The following TRIP11 variants were observed in gnomAD, a reference collection of about 807,000 sequenced individuals.
The protein encoded by TRIP11 is thyroid hormone receptor interactor 11, also known as thyroid receptor-interacting protein 11.
In TRIP11, 148 loss-of-function variants were observed where a neutral mutation model predicts 223.1. That is an observed-to-expected ratio of 0.66 (90% CI 0.58 to 0.76). The LOEUF (loss-of-function observed/expected upper bound fraction) is 0.76, where lower values mean the gene tolerates loss of function less well. Ranked by LOEUF, TRIP11 falls within the 30% of genes least tolerant of loss-of-function variation. The pLI is 0.00. For missense variants in TRIP11, 2,043 were observed against 2,222.0 expected, an observed-to-expected ratio of 0.92 and a Z score of 1.62; for synonymous variants, 762 against 772.6, an observed-to-expected ratio of 0.99 and a Z score of 0.23.
chr14:92,033,118 G>C, intron 2 of TRIP11, 74 bp downstream of exon 2: 2 of 1,127,930 alleles, frequency 1.8e-6, no homozygotes, highest in Non-Finnish European at 2.7e-6. Context: ...TAAAAAGAAA[G>C]GATCAAAGTA....
At position 92,003,482 on chromosome 14, in the gene TRIP11, A is replaced by G; in HGVS notation, c.4494T>C (p.Phe1498=). The change falls in exon 11 of 21, where the codon TTT becomes TTC. Residue 1498 remains phenylalanine, a synonymous_variant. Coordinates refer to ENST00000267622, the MANE Select transcript of TRIP11 (RefSeq NM_004239.4). Reference sequence around the variant, plus strand: ...CCTTCTCCTTCATTGAGTGGCACTCAAACTCTTTTTCTCGCAGCATCATAG... The same window carrying G: ...CCTTCTCCTTCATTGAGTGGCACTCGAACTCTTTTTCTCGCAGCATCATAG... The part of the protein sequence containing the change: ...KFSMMLREKE[F]ECHSMKEKAL... 6.2e-7 allele frequency: 1 copy of G among 1,614,130 alleles called. No individual in the cohort carries two copies. The highest frequency in any genetic ancestry group is 8.5e-7 in the Non-Finnish European group (1 of 1,180,022).
intron 2 of TRIP11, among the ~76,000 whole-genome samples, chr14:92,031,182 G>A (rs1489331272): frequency 6.6e-6 from 1 of 151,926 alleles, no homozygotes; most frequent in Admixed American, 6.6e-5. Context: ...GCAATGGTAC[G>A]ATCTTGGCTC....
chr14:92,025,336 A>T lies in TRIP11; in HGVS notation c.286T>A (p.Tyr96Asn). 6.2e-7 allele frequency: 1 copy of T among 1,613,664 alleles called. No homozygotes were observed. The highest frequency in any genetic ancestry group is 1.7e-5 in the Admixed American group (1 of 60,028). The change falls in exon 3 of 21, where the codon TAC (tyrosine) becomes AAC (asparagine). Residue 96 changes from tyrosine to asparagine, a missense_variant. Transcript: ENST00000267622. Reference sequence around the variant, plus strand: ...TCTTTTTGTTGAAGTTGATTTCGGTAACTTGTAGATTGCTGCTTTATTTGA... The same window carrying T: ...TCTTTTTGTTGAAGTTGATTTCGGTTACTTGTAGATTGCTGCTTTATTTGA... ...EIQIKQQSTS[Y>N]RNQLQQKEVE...
chr14:91,980,113 T>C (rs1297857146), intron 16 of TRIP11, among the ~76,000 whole-genome samples: 2 of 152,210 alleles, frequency 1.3e-5, no homozygotes, highest in Non-Finnish European at 2.9e-5. Context: ...GTCTCTTCTC[T>C]GGAACACCTA....
intron 3 of TRIP11, among the ~76,000 whole-genome samples, chr14:92,024,349 C>G: frequency 6.9e-6 from 1 of 145,210 alleles, no homozygotes; most frequent in Non-Finnish European, 1.5e-5. Flanking sequence ...TCAGCCTGGG[C>G]GACAGAGCAA....
At position 92,039,974 on chromosome 14, in the gene TRIP11, C is replaced by T. The variant is rs2057367144; in HGVS notation, c.-289G>A. ...AGATTGGGCCACTTCTTTCTCAGCTCTAATGACTTTCCTCAGTTCCGTGGG... is the reference window on the plus strand; with the variant it reads ...AGATTGGGCCACTTCTTTCTCAGCTTTAATGACTTTCCTCAGTTCCGTGGG... On this transcript the variant is annotated 5_prime_UTR_variant, in exon 1 of 21. The change abolishes the stop of an existing upstream ORF in the 5' untranslated region. Transcript: ENST00000267622. 5.7e-6 allele frequency: 3 copies of T among 523,094 alleles called. No individual in the cohort carries two copies. The East Asian group carries it at 1.0e-4, about 18-fold the overall frequency. 32.4% of individuals were successfully genotyped at this position (523,094 alleles called of 1,614,324 possible).
chr14:91,995,265 G>A lies in TRIP11; in HGVS notation c.5056+87C>T, dbSNP rs1015672931. 3.2e-5 allele frequency: 49 copies of A among 1,513,760 alleles called. No homozygotes were observed. The East Asian group carries it at 3.6e-4, about 11-fold the overall frequency. The allele number at this position is 1,513,760 out of a possible 1,614,324, so 93.8% of individuals were successfully genotyped here. On this transcript the variant is annotated intron_variant, in intron 14 of 20. Transcript: ENST00000267622. ...TGGGTAACCTTTCAGAGATTTCCCC[G>A]TGCCTCATCTAAAATAGCTCTCAAA...
chr14:92,011,010 C>G lies in TRIP11; in HGVS notation c.1290G>C (p.Glu430Asp). Residue 430 changes from glutamate (E) to aspartate (D), a missense_variant, in exon 9 of 21, where the codon GAG becomes GAC. Physicochemically the swap from Glu to Asp is conservative, Grantham distance 45. Transcript: ENST00000267622. The stretch of plus-strand genomic sequence containing the variant: ...CCTTTTCTTGACTCAGTAATGACTT[C>G]TCTTTTTCTAAAACTTCGATACGCA... The part of the protein sequence containing the change: ...LKMRIEVLEK[E>D]KSLLSQEKEE... 16 of 1,614,004 alleles carry G rather than the reference C, an allele frequency of 9.9e-6. No homozygotes were observed. Among genetic ancestry groups the G allele is most frequent in the Non-Finnish European group, 1.4e-5 (16 of 1,179,978 alleles).
In TRIP11 at chr14:91,995,416, T is replaced by C; in HGVS notation, c.4992A>G (p.Glu1664=). 1.2e-6 allele frequency: 2 copies of C among 1,614,160 alleles called. No homozygotes were observed. The highest frequency in any genetic ancestry group is 1.7e-6 in the Non-Finnish European group (2 of 1,180,018). ...ETALQLSVSQ[E]QVKQYALSLA... ...GTGACAGAGCATACTGCTTTACTTGTTCCTGAGAGACAGAAAGCTGCAGCG... is the reference window on the plus strand; with the variant it reads ...GTGACAGAGCATACTGCTTTACTTGCTCCTGAGAGACAGAAAGCTGCAGCG... Residue 1664 remains glutamate, a synonymous_variant, in exon 14 of 21, where the codon GAA becomes GAG. Coordinates refer to ENST00000267622, the MANE Select transcript of TRIP11 (RefSeq NM_004239.4).
At chr14:91,997,612 GA>G (rs1229852920) in intron 13 of TRIP11, among the ~76,000 whole-genome samples, 1 of 151,960 alleles carries the variant, frequency 6.6e-6, no homozygotes, top group Non-Finnish European at 1.5e-5. Flanking sequence ...ACTTGCAGGG[GA>G]TCAGGTTCAC....
chr14:92,016,991 A>G (rs1169654467), intron 5 of TRIP11, among the ~76,000 whole-genome samples: 2 of 152,208 alleles, frequency 1.3e-5, no homozygotes, highest in Non-Finnish European at 2.9e-5. Context: ...AACTAGCGAA[A>G]TTCTACCGCT....
intron 11 of TRIP11, 47 bp downstream of exon 11, chr14:92,003,372 C>A (rs1432990935): frequency 1.9e-6 from 3 of 1,606,724 alleles, no homozygotes; most frequent in East Asian, 4.5e-5. Context: ...TAAAAAAAGT[C>A]TCCTCCACCC....
In TRIP11 at chr14:92,021,850, A is replaced by G. The variant is rs1350448704; in HGVS notation, c.313-19T>C. The stretch of plus-strand genomic sequence containing the variant: ...TTTCTACCTATATATTTATAATCCA[A>G]GTTTTAGAGAAGGTACTTTAAAACA... On this transcript the variant is annotated intron_variant, in intron 3 of 20. Coordinates refer to ENST00000267622, the MANE Select transcript of TRIP11 (RefSeq NM_004239.4). 1 of 1,611,066 alleles carries G rather than the reference A, an allele frequency of 6.2e-7. No homozygotes were observed. Among genetic ancestry groups the G allele is most frequent in the East Asian group, 2.2e-5 (1 of 44,900 alleles).
At position 91,999,359 on chromosome 14, in the gene TRIP11, T is replaced by C. The variant is rs772464529; in HGVS notation, c.4773A>G (p.Ser1591=). ...AAGCTTCACGGGTATAAGAATCTTC[T>C]GATTCTAAAAGATGATTACGCAATC... ...LERLRNHLLE[S]EDSYTREALA... The change falls in exon 13 of 21, where the codon TCA becomes TCG. Residue 1591 remains serine (S), a synonymous_variant. Coordinates refer to ENST00000267622, the MANE Select transcript of TRIP11 (RefSeq NM_004239.4). The C allele has an allele frequency of 1.9e-6, 3 of 1,613,924 alleles. No homozygotes were observed. The highest frequency in any genetic ancestry group is 2.2e-5 in the South Asian group (2 of 91,082).
chr14:91,979,275 AG>A (rs1566845243), intron 16 of TRIP11, among the ~76,000 whole-genome samples: 40 of 139,448 alleles, frequency 2.9e-4, no homozygotes, highest in Middle Eastern at 3.6e-3. Flanking sequence ...AAAAAAAAAG[AG>A]AGAGAGAGAG....
At position 92,033,244 on chromosome 14, in the gene TRIP11, G is replaced by C; in HGVS notation, c.149C>G (p.Pro50Arg). The C allele has an allele frequency of 6.2e-7, 1 of 1,611,546 alleles. No individual in the cohort carries two copies. Among genetic ancestry groups the C allele is most frequent in the Non-Finnish European group, 8.5e-7 (1 of 1,178,190 alleles). Residue 50 changes from proline to arginine, a missense_variant, in exon 2 of 21, where the codon CCT (proline) becomes CGT (arginine). Transcript: ENST00000267622. ...EGTEEVEAEL[P>R]DSRTKEIEAI... ...TTCAATTTCCTTTGTCCTAGAATCA[G>C]GTAATTCTGCTACAAGAGAAATAAC...
rs2056966334 is a variant in TRIP11 at position 92,011,064 on chromosome 14, A to T, written c.1236T>A (p.Ser412Arg). The T allele has an allele frequency of 6.2e-7, 1 of 1,613,928 alleles. No homozygotes were observed. Among genetic ancestry groups the T allele is most frequent in the Non-Finnish European group, 8.5e-7 (1 of 1,179,962 alleles). ...MRLSSLNQDN[S>R]LAEDNLKLKM... ...TAAGTTTCAGATTGTCTTCAGCAAG[A>T]CTGTTATCCTACAAAAATGTTAAAG... Residue 412 changes from serine to arginine, a missense_variant, in exon 9 of 21, where the codon AGT becomes AGA. Ser to Arg is a moderately radical substitution (Grantham distance 110, BLOSUM62 -1). Transcript: ENST00000267622.
At chr14:92,003,262 C>T (rs1324563006) in intron 11 of TRIP11, among the ~76,000 whole-genome samples, 157 bp downstream of exon 11, 3 of 152,146 alleles carry the variant, frequency 2.0e-5, no homozygotes, top group African/African-American at 7.2e-5. Flanking sequence ...CCAGATGTCT[C>T]TGAGGAAAAT....
rs2056372765 is a variant in TRIP11, at chr14:91,969,360, A to G, written c.*313T>C. ...ATGAGCTTGGAAATCACAAAAGGAA[A>G]TAAAAAGCTGCCATATAGCTACTAG... On this transcript the variant is annotated 3_prime_UTR_variant, in exon 21 of 21. Coordinates refer to ENST00000267622, the MANE Select transcript of TRIP11 (RefSeq NM_004239.4). 2.7e-6 allele frequency: 1 copy of G among 371,690 alleles called. No individual in the cohort carries two copies. Among genetic ancestry groups the G allele is most frequent in the Non-Finnish European group, 5.0e-6 (1 of 201,990 alleles). 23.0% of individuals were successfully genotyped at this position (371,690 alleles called of 1,614,324 possible).
Sources: allele counts gnomAD v4.1 joint callset (sites outside exome capture counted in the v4.1 genomes callset), GRCh38; gene constraint gnomAD v4.1.1; transcripts MANE v1.5; gene names NCBI Gene and HGNC (gene_info 2026-07-23, HGNC 2026-07-21).